ST7: variants seen among roughly 807,000 people sequenced by gnomAD.
The protein encoded by ST7 is suppression of tumorigenicity 7, also known as suppressor of tumorigenicity 7 protein.
A neutral mutation model predicts 78.7 loss-of-function variants in ST7; 28 were observed. The observed-to-expected ratio is 0.36, with a 90% CI of 0.26 to 0.49. The LOEUF is 0.49. Ranked by LOEUF, ST7 falls within the 20% of genes least tolerant of loss-of-function variation. The pLI is 0.99. For missense variants in ST7, 418 were observed against 696.0 expected (o/e 0.60, Z 4.49); for synonymous variants, 247 against 249.6 (o/e 0.99, Z 0.10).
Position 117,119,655 on chromosome 7 carries a change from A to C in ST7, c.329A>C (p.Asn110Thr). The change falls in exon 3 of 16, where the codon AAC becomes ACC. Residue 110 changes from asparagine (N) to threonine (T), a missense_variant. By Grantham distance (65) the Asn-to-Thr change is moderately conservative. Transcript: ENST00000323984. ...CGCCCCCTTCTGGGAGGGGTTGACA[A>C]CAACTCTTCCAACAATTCTAATTCC... is the stretch of plus-strand genomic sequence containing the variant. ...HLRPLLGGVD[N>T]NSSNNSNSSN... 6.2e-7 allele frequency: 1 copy of C among 1,613,946 alleles called. No individual in the cohort carries two copies. Among genetic ancestry groups the C allele is most frequent in the Non-Finnish European group, 8.5e-7 (1 of 1,180,008 alleles).
intron 12 of ST7, among the ~76,000 whole-genome samples, chr7:117,192,371 T>C (rs1308234171): frequency 6.6e-6 from 1 of 152,178 alleles, no homozygotes; most frequent in Non-Finnish European, 1.5e-5. Flanking sequence ...CACTTGTGAT[T>C]CTGTCATTTA....
intron 12 of ST7, 131 bp downstream of exon 12, chr7:117,191,067 T>C (rs1437566424): frequency 2.8e-6 from 2 of 719,638 alleles, no homozygotes; most frequent in African/African-American, 1.8e-5. Flanking sequence ...AGACCCTGTA[T>C]AATGTATGGG....
At chr7:117,020,779 A>T in intron 1 of ST7, 1 of 1,134,546 alleles carries the variant, frequency 8.8e-7, no homozygotes, top group Admixed American at 2.5e-5. Flanking sequence ...CAGGGAAGGA[A>T]CTCCCCTTAA....
chr7:117,080,723 C>A (rs1437350352), intron 1 of ST7: 1 of 152,056 alleles, frequency 6.6e-6, no homozygotes, highest in Non-Finnish European at 1.5e-5. Context: ...TTTGAAGATT[C>A]CAAATTTCAG....
At chr7:117,033,808 A>T (rs1449393648) in intron 1 of ST7, among the ~76,000 whole-genome samples, 1 of 152,194 alleles carries the variant, frequency 6.6e-6, no homozygotes, top group Non-Finnish European at 1.5e-5. Context: ...GTCAGTCAAT[A>T]GACTGAAATG....
At chr7:117,006,363 TGG>T (rs1795158670) in intron 1 of ST7, among the ~76,000 whole-genome samples, 2 of 152,244 alleles carry the variant, frequency 1.3e-5, no homozygotes, top group African/African-American at 2.4e-5. Context: ...CTATTCTGAA[TGG>T]TTTGTACCCT....
chr7:116,965,944 TGTA>T (rs2116210185), intron 1 of ST7: 2 of 266,970 alleles, frequency 7.5e-6, no homozygotes, highest in East Asian at 1.9e-4. Context: ...GCAGGGGAAA[TGTA>T]GTTGTATAGT....
intron 1 of ST7, chr7:116,972,825 A>G (rs1793500610): frequency 1.9e-6 from 2 of 1,057,416 alleles, no homozygotes; most frequent in African/African-American, 1.6e-5. Flanking sequence ...ACTGGAGACG[A>G]TCAGCTCGCT....
At chr7:117,203,282 C>T (rs927121134) in intron 12 of ST7, among the ~76,000 whole-genome samples, 1 of 152,182 alleles carries the variant, frequency 6.6e-6, no homozygotes, top group Non-Finnish European at 1.5e-5. Context: ...TAACCCTGAA[C>T]AAGTTAGTTC....
chr7:117,044,867 C>T (rs539309655), intron 1 of ST7, among the ~76,000 whole-genome samples: 32 of 152,306 alleles, frequency 2.1e-4, no homozygotes, highest in Admixed American at 9.8e-4. Flanking sequence ...GCCTAGTCAG[C>T]ATCTTCAGCT....
chr7:117,016,007 A>G (rs758572806), intron 1 of ST7, among the ~76,000 whole-genome samples: 2 of 152,188 alleles, frequency 1.3e-5, no homozygotes, highest in African/African-American at 4.8e-5. Context: ...GTGTGCAAAT[A>G]AAAGTTTTGT....
intron 2 of ST7, chr7:117,112,253 T>A (rs940104944): frequency 6.6e-6 from 1 of 152,140 alleles, no homozygotes; most frequent in Admixed American, 6.5e-5. Context: ...AGTGTGTTTT[T>A]GGGAAAGTGG....
chr7:117,200,798 AT>A (rs1810757728), intron 12 of ST7, among the ~76,000 whole-genome samples: 1 of 147,978 alleles, frequency 6.8e-6, no homozygotes, highest in African/African-American at 2.5e-5. Flanking sequence ...ACAGAAATGC[AT>A]TCCCATTAAA....
intron 12 of ST7, 56 bp from the exon 13 acceptor site, chr7:117,209,731 C>A: frequency 1.3e-6 from 2 of 1,569,048 alleles, no homozygotes; most frequent in Admixed American, 1.9e-5. Flanking sequence ...ATTTTCAATA[C>A]TGAATTCTAA....
chr7:116,986,504 A>G (rs2116357557), intron 1 of ST7, among the ~76,000 whole-genome samples: 1 of 152,336 alleles, frequency 6.6e-6, no homozygotes, highest in South Asian at 2.1e-4. Flanking sequence ...TTTTCTGAGA[A>G]TGCCACTGTA....
intron 9 of ST7, among the ~76,000 whole-genome samples, chr7:117,142,844 T>C (rs1345576584): frequency 6.6e-6 from 1 of 152,114 alleles, no homozygotes; most frequent in East Asian, 1.9e-4. Context: ...TCTCTTGATC[T>C]CATGATCCAC....
At chr7:117,096,293 A>G (rs981979283) in intron 1 of ST7, among the ~76,000 whole-genome samples, 4 of 152,094 alleles carry the variant, frequency 2.6e-5, no homozygotes, top group African/African-American at 9.7e-5. Flanking sequence ...TTAATAGAAG[A>G]ATTTTTAAAC....
chr7:117,202,657 A>G (rs1046076103), intron 12 of ST7, among the ~76,000 whole-genome samples: 17 of 152,086 alleles, frequency 1.1e-4, no homozygotes, highest in Admixed American at 9.2e-4. Context: ...GCTAATTTCC[A>G]TCTGTTCCCT....
chr7:117,207,149 A>AT (rs34923443), intron 12 of ST7, among the ~76,000 whole-genome samples: 3,121 of 144,658 alleles, frequency 0.022, 85 homozygotes, highest in African/African-American at 0.075. Context: ...GTTTCTTTTC[A>AT]TTTTTTTTTT....
Sources: gnomAD v4.1 joint callset for allele counts (sites outside exome capture counted in the v4.1 genomes callset) on GRCh38, gnomAD v4.1.1 for gene constraint, MANE v1.5 for transcripts, NCBI Gene and HGNC (gene_info 2026-07-23, HGNC 2026-07-21) for gene names.